Variants in RGMA observed in about 807,000 individuals in gnomAD.
RGMA encodes the protein repulsive guidance molecule A.
RGMA carries 10 observed loss-of-function variants against 23.2 expected under a neutral mutation model. The ratio of observed to expected loss-of-function variants is 0.43; its 90% CI spans 0.27 to 0.73. The LOEUF is 0.73. Ranked by LOEUF, RGMA falls within the 30% of genes least tolerant of loss-of-function variation. The pLI is 0.20. For synonymous variants in RGMA, 308 were observed against 279.3 expected (o/e 1.10, Z -1.03); for missense variants, 547 against 630.5 (o/e 0.87, Z 1.42).
chr15:93,049,772 G>A (rs2054887715), intron 3 of RGMA, among the ~76,000 whole-genome samples: 1 of 152,238 alleles, frequency 6.6e-6, no homozygotes, highest in Non-Finnish European at 1.5e-5. Flanking sequence ...TGGGAAGCCT[G>A]AGGAGAGGCC....
intron 2 of RGMA, among the ~76,000 whole-genome samples, chr15:93,064,189 T>C (rs1394849136): frequency 6.6e-6 from 1 of 152,150 alleles, no homozygotes; most frequent in Non-Finnish European, 1.5e-5. Context: ...ATAGCTTCTC[T>C]AGGCAAGAGG....
At chr15:93,069,934 T>C (rs1895271160) in intron 2 of RGMA, among the ~76,000 whole-genome samples, 2 of 152,242 alleles carry the variant, frequency 1.3e-5, no homozygotes, top group Admixed American at 1.3e-4. Context: ...AGCCATCTAT[T>C]AGCTGTGATT....
chr15:93,088,488 G>A, intron 1 of RGMA: 1 of 990,656 alleles, frequency 1.0e-6, no homozygotes, highest in Non-Finnish European at 1.2e-6. Flanking sequence ...GGCAGGAGAT[G>A]GCCAGGCAGC....
intron 2 of RGMA, among the ~76,000 whole-genome samples, chr15:93,068,103 C>G (rs1044808153): frequency 6.6e-6 from 1 of 152,100 alleles, no homozygotes; most frequent in Non-Finnish European, 1.5e-5. Flanking sequence ...ATCTAACTGT[C>G]CTGGTGTGCC....
intron 1 of RGMA, among the ~76,000 whole-genome samples, chr15:93,082,354 A>G (rs1403689755): frequency 6.6e-6 from 1 of 152,230 alleles, no homozygotes; most frequent in African/African-American, 2.4e-5. Context: ...GGCACCTACT[A>G]GAAAAAACTC....
chr15:93,055,416 G>A (rs2054997599), intron 2 of RGMA, among the ~76,000 whole-genome samples: 1 of 152,148 alleles, frequency 6.6e-6, no homozygotes, highest in Non-Finnish European at 1.5e-5. Context: ...GGCGGTACAG[G>A]CCTCCCCTCA....
intron 3 of RGMA, among the ~76,000 whole-genome samples, chr15:93,050,844 C>T (rs2054905747): frequency 6.6e-6 from 1 of 152,186 alleles, no homozygotes; most frequent in Non-Finnish European, 1.5e-5. Flanking sequence ...CTGAAGCGTG[C>T]TGGTGCCTGG....
At chr15:93,047,397 G>C (rs187598114) in intron 3 of RGMA, among the ~76,000 whole-genome samples, 1 of 152,320 alleles carries the variant, frequency 6.6e-6, no homozygotes, top group Admixed American at 6.5e-5. Context: ...GCTGGAACCT[G>C]GACTCCCAGC....
intron 3 of RGMA, among the ~76,000 whole-genome samples, chr15:93,046,121 G>A (rs1394471229): frequency 2.0e-5 from 3 of 152,184 alleles, no homozygotes; most frequent in Non-Finnish European, 2.9e-5. Flanking sequence ...GATGGCAAAA[G>A]GGACCCTGCA....
chr15:93,052,394 A>G lies in RGMA; in HGVS notation c.244T>C (p.Tyr82His). ...GCCGTCCGCCGCGTGCACAGGGCGT[A>G]GCTGCGCAAGGCTGCACAGAACTCG... is the stretch of plus-strand genomic sequence containing the variant. ...TPEFCAALRSYALCTRRTART... is the reference protein window; with the variant it reads ...TPEFCAALRSHALCTRRTART... The change falls in exon 3 of 4, where the codon TAC (tyrosine) becomes CAC (histidine). Residue 82 changes from tyrosine (Y) to histidine (H), a missense_variant. Physicochemically the swap from Tyr to His is moderately conservative, Grantham distance 83 (BLOSUM62 2). Around this residue, in one of 3 missense-constraint regions of RGMA, gnomAD observed 214 missense variants for 234.7 expected, o/e 0.91. Coordinates refer to ENST00000329082, the MANE Select transcript of RGMA (RefSeq NM_020211.3). The G allele has an allele frequency of 6.3e-7, 1 of 1,599,796 alleles. No individual in the cohort carries two copies. Among genetic ancestry groups the G allele is most frequent in the Non-Finnish European group, 8.5e-7 (1 of 1,179,410 alleles).
chr15:93,079,197 T>G (rs1895519540), intron 1 of RGMA, among the ~76,000 whole-genome samples: 1 of 152,250 alleles, frequency 6.6e-6, no homozygotes. Context: ...GAAAAGTACC[T>G]GTTTATCCTA....
intron 1 of RGMA, chr15:93,073,831 GC>G: frequency 1.3e-6 from 2 of 1,516,762 alleles, no homozygotes; most frequent in Non-Finnish European, 8.8e-7. Flanking sequence ...CCCCGGCTGC[GC>G]CCCCGTGCTG....
chr15:93,054,424 G>A (rs1247617975), intron 2 of RGMA, among the ~76,000 whole-genome samples: 1 of 152,062 alleles, frequency 6.6e-6, no homozygotes, highest in Non-Finnish European at 1.5e-5. Flanking sequence ...TCAAGGGTGG[G>A]GCCAGGTGGA....
At chr15:93,073,322 C>G (rs902213023) in intron 1 of RGMA, among the ~76,000 whole-genome samples, 5 of 151,874 alleles carry the variant, frequency 3.3e-5, no homozygotes, top group African/African-American at 1.2e-4. Flanking sequence ...GGGCGGGGAC[C>G]CAGGCTGCCC....
chr15:93,062,409 G>A (rs1894995738), intron 2 of RGMA, among the ~76,000 whole-genome samples: 1 of 152,218 alleles, frequency 6.6e-6, no homozygotes, highest in Non-Finnish European at 1.5e-5. Flanking sequence ...GCATTTCAAT[G>A]AGGTCCTGAA....
At chr15:93,077,300 C>T (rs1359629771) in intron 1 of RGMA, among the ~76,000 whole-genome samples, 3 of 152,096 alleles carry the variant, frequency 2.0e-5, no homozygotes, top group Non-Finnish European at 4.4e-5. Context: ...TTGCCCAGGC[C>T]CTTCTCCAAA....
intron 1 of RGMA, among the ~76,000 whole-genome samples, chr15:93,081,487 T>C (rs576095548): frequency 1.3e-5 from 2 of 152,348 alleles, no homozygotes; most frequent in East Asian, 3.9e-4. Flanking sequence ...GCCTGAAGTT[T>C]GAAAGCAGCT....
At chr15:93,062,261 A>G (rs866119772) in intron 2 of RGMA, among the ~76,000 whole-genome samples, 1 of 152,230 alleles carries the variant, frequency 6.6e-6, no homozygotes, top group Admixed American at 6.5e-5. Context: ...TGTTTCTGGA[A>G]CAAACCCCAG....
intron 2 of RGMA, among the ~76,000 whole-genome samples, 160 bp from the exon 3 acceptor site, chr15:93,052,667 A>C (rs2054947255): frequency 4.6e-5 from 7 of 152,186 alleles, no homozygotes; most frequent in Admixed American, 4.6e-4. Flanking sequence ...GGTGGTAGGA[A>C]AGGGGTCCTT....
Sources: gnomAD v4.1 joint callset for allele counts (sites outside exome capture counted in the v4.1 genomes callset) on GRCh38, gnomAD v4.1.1 for gene constraint, gnomAD v4.1.1 regional missense constraint, MANE v1.5 for transcripts, NCBI Gene and HGNC (gene_info 2026-07-23, HGNC 2026-07-21) for gene names.